Variants in CD96 observed in about 807,000 individuals in gnomAD.
CD96 encodes CD96 molecule.
Under a neutral mutation model 71.3 loss-of-function variants are expected in CD96, and 70 were observed. The ratio of observed to expected loss-of-function variants is 0.98; its 90% CI spans 0.81 to 1.20. The LOEUF (loss-of-function observed/expected upper bound fraction) is 1.20. Among genes scored for constraint, CD96 ranks in the 50% most tolerant of loss-of-function variants. The probability of loss-of-function intolerance (pLI) is 0.00; values close to 1 mark genes in which losing one functional copy is unlikely to be tolerated. For missense variants in CD96, 742 were observed against 677.5 expected, an observed-to-expected ratio of 1.10 and a Z score of -1.06; for synonymous variants, 248 against 233.0, an observed-to-expected ratio of 1.06 and a Z score of -0.59.
At chr3:111,630,871 T>G (rs1472576971) in intron 10 of CD96, among the ~76,000 whole-genome samples, 4 of 152,204 alleles carry the variant, frequency 2.6e-5, no homozygotes, top group Admixed American at 2.6e-4. Flanking sequence ...AATTAATAAA[T>G]GTGATTCATC....
intron 8 of CD96, among the ~76,000 whole-genome samples, chr3:111,612,532 C>G (rs1938002999): frequency 6.6e-6 from 1 of 152,120 alleles, no homozygotes; most frequent in Non-Finnish European, 1.5e-5. Flanking sequence ...TCATTGAATC[C>G]TCCCAACAAC....
At chr3:111,618,337 C>G (rs1028206256) in intron 8 of CD96, among the ~76,000 whole-genome samples, 1 of 152,182 alleles carries the variant, frequency 6.6e-6, no homozygotes, top group South Asian at 2.1e-4. Flanking sequence ...AATTTCACCT[C>G]TGTAGTAGTT....
In CD96 at chr3:111,617,103, C is replaced by T. The variant is rs576952645; in HGVS notation, c.1181-6651C>T. ...ACCTTGGCCCCCTCCAGACTTTGGGCGCCAAGGAGCACAGGAAGGAGGCAG... is the reference window on the plus strand; with the variant it reads ...ACCTTGGCCCCCTCCAGACTTTGGGTGCCAAGGAGCACAGGAAGGAGGCAG... On this transcript the variant is annotated intron_variant, in intron 8 of 13. Transcript: ENST00000352690. 2.0e-4 allele frequency among the ~76,000 whole-genome samples: 30 copies of T among 152,316 alleles called. No homozygotes were observed. The South Asian group carries it at 4.8e-3, about 24-fold the overall frequency.
chr3:111,566,018 TTA>T (rs1480461964), intron 2 of CD96, among the ~76,000 whole-genome samples: 1 of 148,884 alleles, frequency 6.7e-6, no homozygotes, highest in Non-Finnish European at 1.5e-5. Flanking sequence ...TAGCATATAT[TTA>T]TATATATATT....
chr3:111,549,401 G>T (rs1934581333), intron 2 of CD96, among the ~76,000 whole-genome samples: 1 of 152,154 alleles, frequency 6.6e-6, no homozygotes, highest in Non-Finnish European at 1.5e-5. Context: ...CATTTAAGGA[G>T]TTTTGTCTTT....
chr3:111,618,321 C>T (rs1036050689), intron 8 of CD96, among the ~76,000 whole-genome samples: 3 of 152,146 alleles, frequency 2.0e-5, no homozygotes, highest in Admixed American at 6.5e-5. Flanking sequence ...TCAAGGATCC[C>T]GTGACAATTT....
chr3:111,611,263 G>A (rs1937916017), intron 8 of CD96, among the ~76,000 whole-genome samples: 1 of 152,146 alleles, frequency 6.6e-6, no homozygotes, highest in African/African-American at 2.4e-5. Flanking sequence ...AGACATAACT[G>A]ATCTTCGGCA....
intron 12 of CD96, among the ~76,000 whole-genome samples, chr3:111,642,782 G>T (rs1055746965): frequency 1.3e-5 from 2 of 151,906 alleles, no homozygotes; most frequent in Non-Finnish European, 2.9e-5. Flanking sequence ...ACTCCAGCCT[G>T]GGTGACAAAC....
chr3:111,566,010 G>A (rs547683523), intron 2 of CD96, among the ~76,000 whole-genome samples: 3 of 148,914 alleles, frequency 2.0e-5, no homozygotes, highest in South Asian at 4.2e-4. Flanking sequence ...CTGTTATATA[G>A]CATATATTTA....
At chr3:111,626,531 T>C (rs967658538) in intron 10 of CD96, among the ~76,000 whole-genome samples, 3 of 152,142 alleles carry the variant, frequency 2.0e-5, no homozygotes, top group Non-Finnish European at 4.4e-5. Context: ...GCATTGTATT[T>C]CAAAGCTGAA....
At position 111,641,251 on chromosome 3, in the gene CD96, A is replaced by G. The variant is rs538692200; in HGVS notation, c.1477+3083A>G. 7.2e-5 allele frequency among the ~76,000 whole-genome samples: 11 copies of G among 152,354 alleles called. No homozygotes were observed. The South Asian group carries it at 1.0e-3, about 14-fold the overall frequency. On this transcript the variant is annotated intron_variant, in intron 12 of 13. Transcript: ENST00000352690. The stretch of plus-strand genomic sequence containing the variant: ...ATCAACTATTTGCTGCCTTCGGGAG[A>G]CTCACCTAACACATAAGGACTCATA...
At chr3:111,657,709 C>A (rs138904453) in intron 14 of CD96, among the ~76,000 whole-genome samples, 2 of 152,208 alleles carry the variant, frequency 1.3e-5, no homozygotes, top group East Asian at 3.9e-4. Flanking sequence ...CTGGAAAGAA[C>A]CCTGTGTAGA....
chr3:111,562,173 G>T (rs1456686911), intron 2 of CD96, among the ~76,000 whole-genome samples: 1 of 152,196 alleles, frequency 6.6e-6, no homozygotes, highest in Non-Finnish European at 1.5e-5. Flanking sequence ...GGTCTTCTGC[G>T]TCGCTCACGT....
chr3:111,619,779 TC>T (rs1433898883), intron 8 of CD96, among the ~76,000 whole-genome samples: 1 of 152,208 alleles, frequency 6.6e-6, no homozygotes, highest in Non-Finnish European at 1.5e-5. Context: ...TCAGACATGT[TC>T]TTATATAGTT....
intron 5 of CD96, chr3:111,594,054 T>A: frequency 6.2e-7 from 1 of 1,614,124 alleles, no homozygotes; most frequent in Non-Finnish European, 8.5e-7. Flanking sequence ...CGGGTGCCCT[T>A]GTTGTGGGGC....
At chr3:111,613,223 AT>A (rs1175583923) in intron 8 of CD96, among the ~76,000 whole-genome samples, 17 of 152,152 alleles carry the variant, frequency 1.1e-4, no homozygotes, top group Admixed American at 6.5e-4. Context: ...CAGTTGACCT[AT>A]TTTTCAGTTT....
chr3:111,655,935 A>G (rs924939005), downstream of CD96, among the ~76,000 whole-genome samples: 6 of 151,476 alleles, frequency 4.0e-5, no homozygotes, highest in South Asian at 2.1e-4. Flanking sequence ...ACTATTCTCT[A>G]TGGTATACAT....
intron 12 of CD96, among the ~76,000 whole-genome samples, chr3:111,644,322 T>C (rs552435596): frequency 3.8e-4 from 58 of 152,288 alleles, no homozygotes; most frequent in Admixed American, 2.2e-3. Context: ...TCAAGATGGA[T>C]TAAGGATTTA....
At chr3:111,576,547 A>G (rs945587799) in intron 3 of CD96, among the ~76,000 whole-genome samples, 1 of 152,174 alleles carries the variant, frequency 6.6e-6, no homozygotes, top group Admixed American at 6.6e-5. Flanking sequence ...TCTTATTAGT[A>G]CAAATTGTAT....
Sources: allele counts gnomAD v4.1 joint callset (sites outside exome capture counted in the v4.1 genomes callset), GRCh38; gene constraint gnomAD v4.1.1; transcripts MANE v1.5; gene names NCBI Gene and HGNC (gene_info 2026-07-23, HGNC 2026-07-21).